Variants in C4orf51 observed in about 807,000 individuals in gnomAD.
C4orf51 encodes the protein uncharacterized protein C4orf51.
A neutral mutation model predicts 25.2 loss-of-function variants in C4orf51; 25 were observed. That is an observed-to-expected ratio of 0.99 (90% CI 0.72 to 1.39). The LOEUF (loss-of-function observed/expected upper bound fraction) is 1.39. Among genes scored for constraint, C4orf51 ranks in the 40% most tolerant of loss-of-function variants. The pLI is 0.00. For missense variants in C4orf51, 252 were observed against 239.6 expected, an observed-to-expected ratio of 1.05 and a Z score of -0.34; for synonymous variants, 100 against 84.5, an observed-to-expected ratio of 1.18 and a Z score of -1.01.
chr4:145,781,170 C>T, the C4orf51 span, among the ~76,000 whole-genome samples: 103 of 133,896 alleles, frequency 7.7e-4, 2 homozygotes, highest in African/African-American at 2.8e-3. Flanking sequence ...CACTCCAGCC[C>T]GGGCAACAGA....
At chr4:145,743,233 T>C (rs984018022) in intron 1 of C4orf51, among the ~76,000 whole-genome samples, 1 of 152,200 alleles carries the variant, frequency 6.6e-6, no homozygotes, top group African/African-American at 2.4e-5. Context: ...TTTGTGTTGC[T>C]GTAACAAAAT....
the C4orf51 span, among the ~76,000 whole-genome samples, chr4:145,781,216 A>G: frequency 5.9e-4 from 70 of 118,040 alleles, no homozygotes; most frequent in African/African-American, 8.6e-4. Context: ...AAAAAAAAAA[A>G]AGAAAAAAAA....
the C4orf51 span, among the ~76,000 whole-genome samples, chr4:145,778,529 T>G: frequency 1.3e-5 from 2 of 152,132 alleles, no homozygotes; most frequent in African/African-American, 2.4e-5. Context: ...GAAGGATCAC[T>G]TGAACCCGGG....
chr4:145,690,138 C>T (rs1205413829), intron 1 of C4orf51, among the ~76,000 whole-genome samples: 3 of 150,308 alleles, frequency 2.0e-5, no homozygotes, highest in Non-Finnish European at 4.4e-5. Context: ...ACCCGGGAGG[C>T]GGAGGTTGCA....
At chr4:145,692,772 T>C (rs1193332331) in intron 1 of C4orf51, among the ~76,000 whole-genome samples, 1 of 152,152 alleles carries the variant, frequency 6.6e-6, no homozygotes, top group African/African-American at 2.4e-5. Flanking sequence ...CTACCATGTG[T>C]TGAACTCTAG....
At chr4:145,706,015 C>G (rs1347761656) in intron 2 of C4orf51, among the ~76,000 whole-genome samples, 2 of 152,088 alleles carry the variant, frequency 1.3e-5, no homozygotes, top group African/African-American at 4.8e-5. Context: ...CTTATTTCTT[C>G]TGAGCTGCAG....
rs2126735346 is a variant in C4orf51, at chr4:145,715,246, C to A, written c.308-11665C>A. On this transcript the variant is annotated intron_variant, in intron 2 of 5. Transcript: ENST00000438731. ...ACTCCCTGAAGCAGTAATTGGGATC[C>A]ATGGCTCTCTGTTGAGTTCCGAGCC... is the stretch of plus-strand genomic sequence containing the variant. Among the ~76,000 whole-genome samples, 3 of 152,318 alleles carry A rather than the reference C, an allele frequency of 2.0e-5. No homozygotes were observed. The South Asian group carries it at 6.2e-4, about 32-fold the overall frequency.
At chr4:145,727,707 C>G (rs1732141881) in intron 3 of C4orf51, among the ~76,000 whole-genome samples, 1 of 148,646 alleles carries the variant, frequency 6.7e-6, no homozygotes, top group African/African-American at 2.5e-5. Flanking sequence ...GAAACCCCAT[C>G]TCTACTAAAA....
At chr4:145,778,099 T>C in the C4orf51 span, among the ~76,000 whole-genome samples, 212 of 152,260 alleles carry the variant, frequency 1.4e-3, 1 homozygote, top group African/African-American at 4.8e-3. Context: ...AGACACCAGT[T>C]TGGGCAGCAT....
chr4:145,737,075 C>A (rs1341600757), downstream of C4orf51, among the ~76,000 whole-genome samples: 1 of 151,878 alleles, frequency 6.6e-6, no homozygotes, highest in Non-Finnish European at 1.5e-5. Flanking sequence ...AGTCCATAAT[C>A]TGGTTCAACT....
chr4:145,752,463 G>A (rs1455456268), intron 1 of C4orf51, among the ~76,000 whole-genome samples: 5 of 152,180 alleles, frequency 3.3e-5, no homozygotes, highest in East Asian at 1.9e-4. Context: ...GCCTGGAATC[G>A]GCGCCTTATG....
chr4:145,761,655 G>A lies in C4orf51; in HGVS notation n.167-9333G>A, dbSNP rs1206359312. ...GCCGGGAAGGTTCGGAGGCAGCCGCGCTTCTCGCCGCCTCACCAGCCTTCC... is the reference window on the plus strand; with the variant it reads ...GCCGGGAAGGTTCGGAGGCAGCCGCACTTCTCGCCGCCTCACCAGCCTTCC... On this transcript the variant is annotated intron_variant and non_coding_transcript_variant, in intron 1 of 1. Transcript: ENST00000510096. This position sits in a 1 kb window ranked among gnomAD's most constrained non-coding sequence, Gnocchi z 6.8. 1.9e-5 allele frequency: 20 copies of A among 1,062,552 alleles called. No individual in the cohort carries two copies. The highest frequency in any genetic ancestry group is 2.8e-5 in the Admixed American group (1 of 36,276). The allele number at this position is 1,062,552 out of a possible 1,614,324, so 65.8% of individuals were successfully genotyped here.
chr4:145,776,522 T>C, the C4orf51 span, among the ~76,000 whole-genome samples: 1 of 151,922 alleles, frequency 6.6e-6, no homozygotes, highest in Non-Finnish European at 1.5e-5. Flanking sequence ...GCTTTTTTTT[T>C]CCTGGACACC....
chr4:145,706,808 ATTTTT>A (rs34336553), intron 2 of C4orf51, among the ~76,000 whole-genome samples: 4,592 of 118,634 alleles, frequency 0.039, 227 homozygotes, highest in African/African-American at 0.13. Context: ...TGCCCGGCTA[ATTTTT>A]TTTTTTTTTT....
chr4:145,715,232 C>G (rs1254153352), intron 2 of C4orf51, among the ~76,000 whole-genome samples: 1 of 152,218 alleles, frequency 6.6e-6, no homozygotes, highest in East Asian at 1.9e-4. Flanking sequence ...CTCCCTGAAG[C>G]AGTAATTGGG....
At chr4:145,749,315 A>T (rs977029265) in intron 1 of C4orf51, among the ~76,000 whole-genome samples, 1 of 151,908 alleles carries the variant, frequency 6.6e-6, no homozygotes, top group Non-Finnish European at 1.5e-5. Context: ...CAGGCAACAG[A>T]TCATTGGGTC....
chr4:145,778,616 G>GA, the C4orf51 span, among the ~76,000 whole-genome samples: 22 of 151,682 alleles, frequency 1.5e-4, no homozygotes, highest in Admixed American at 1.2e-3. Context: ...TATCTTGGGG[G>GA]AAAAAAAAGA....
intron 1 of C4orf51, among the ~76,000 whole-genome samples, chr4:145,766,324 G>A (rs189285381): frequency 7.2e-5 from 11 of 152,280 alleles, no homozygotes; most frequent in Admixed American, 5.2e-4. Context: ...AAGAGAGCGC[G>A]TCAGGGACTG....
At chr4:145,695,267 A>G (rs1179291848) in intron 1 of C4orf51, among the ~76,000 whole-genome samples, 1 of 152,198 alleles carries the variant, frequency 6.6e-6, no homozygotes, top group Admixed American at 6.5e-5. Flanking sequence ...TGACTTTTTA[A>G]TAATAGCCAT....
Sources: gnomAD v4.1 joint callset for allele counts (sites outside exome capture counted in the v4.1 genomes callset) on GRCh38, gnomAD v4.1.1 for gene constraint, Gnocchi (gnomAD v3.1) non-coding constraint, MANE v1.5 for transcripts, NCBI Gene and HGNC (gene_info 2026-07-23, HGNC 2026-07-21) for gene names.